The following CEP112 variants were observed in gnomAD, a reference collection of about 807,000 sequenced individuals.
CEP112 encodes centrosomal protein of 112 kDa.
Under a neutral mutation model 153.0 loss-of-function variants are expected in CEP112, and 127 were observed. That is an observed-to-expected ratio of 0.83 (90% CI 0.72 to 0.96). The LOEUF (loss-of-function observed/expected upper bound fraction) is 0.96, where lower values mean the gene tolerates loss of function less well. Ranked by LOEUF, CEP112 falls within the 40% of genes least tolerant of loss-of-function variation. The probability of loss-of-function intolerance (pLI) is 0.00; values close to 1 mark genes in which losing one functional copy is unlikely to be tolerated. For synonymous variants in CEP112, 358 were observed against 374.4 expected, an observed-to-expected ratio of 0.96 and a Z score of 0.51; for missense variants, 1,089 against 1,101.2, an observed-to-expected ratio of 0.99 and a Z score of 0.16.
chr17:65,673,290 T>C (rs890258510), intron 24 of CEP112, among the ~76,000 whole-genome samples: 3 of 152,136 alleles, frequency 2.0e-5, no homozygotes, highest in Admixed American at 1.3e-4. Flanking sequence ...AAAGTGGCAA[T>C]GGCGCAATGG....
At chr17:66,089,120 G>T (rs1288356657) in intron 8 of CEP112, among the ~76,000 whole-genome samples, 1 of 152,138 alleles carries the variant, frequency 6.6e-6, no homozygotes, top group East Asian at 1.9e-4. Context: ...ACCCTGCCTG[G>T]GGACTGTAGG....
chr17:65,954,747 A>T (rs2061948690), intron 18 of CEP112, among the ~76,000 whole-genome samples: 2 of 152,092 alleles, frequency 1.3e-5, no homozygotes, highest in African/African-American at 4.8e-5. Context: ...AGAATTGAAC[A>T]AGCAGAAGAA....
At chr17:65,884,712 TTTTTTTC>T (rs1568168375) in intron 20 of CEP112, among the ~76,000 whole-genome samples, 1 of 149,720 alleles carries the variant, frequency 6.7e-6, no homozygotes, top group Non-Finnish European at 1.5e-5. Context: ...GTTTCTTTTT[TTTTTTTC>T]TTTTTTTTTT....
chr17:65,639,740 C>T (rs1302636298), intron 25 of CEP112, among the ~76,000 whole-genome samples: 4 of 150,506 alleles, frequency 2.7e-5, no homozygotes, highest in Non-Finnish European at 5.9e-5. Context: ...TAAACTCTTT[C>T]TCATGATACC....
Position 66,183,302 on chromosome 17 carries a change from T to A in CEP112, c.-3A>T. 1 of 1,593,756 alleles carries A rather than the reference T, an allele frequency of 6.3e-7. No homozygotes were observed. Among genetic ancestry groups the A allele is most frequent in the Non-Finnish European group, 8.6e-7 (1 of 1,166,044 alleles). On this transcript the variant is annotated 5_prime_UTR_variant, in exon 2 of 27. Transcript: ENST00000535342. ...TCTTCTTCACTTCCCACTTCCATAA[T>A]CCAATCTGTAAAAGATTTTAAATCA...
chr17:65,912,469 T>G (rs1341393881), intron 19 of CEP112, among the ~76,000 whole-genome samples: 1 of 152,238 alleles, frequency 6.6e-6, no homozygotes, highest in East Asian at 1.9e-4. Flanking sequence ...CAGTGCACCT[T>G]AGCACCCTAG....
chr17:65,670,432 C>G (rs913982287), intron 24 of CEP112, among the ~76,000 whole-genome samples: 29 of 151,146 alleles, frequency 1.9e-4, no homozygotes, highest in Non-Finnish European at 3.2e-4. Context: ...TATTAATATA[C>G]ACAAATGCAA....
chr17:65,805,442 G>T (rs1024846319), intron 21 of CEP112, among the ~76,000 whole-genome samples: 1 of 152,132 alleles, frequency 6.6e-6, no homozygotes, highest in Non-Finnish European at 1.5e-5. Context: ...AGAGAAAACT[G>T]GGATAACAAT....
At position 65,738,988 on chromosome 17, in the gene CEP112, T is replaced by A. The variant is rs75879860; in HGVS notation, c.2607+4080A>T. Among the ~76,000 whole-genome samples the A allele has an allele frequency of 9.9e-3, 1,513 of 152,326 alleles. 25 individuals carry two copies. Among genetic ancestry groups the A allele is most frequent in the African/African-American group, 0.034 (1,433 of 41,572 alleles). On this transcript the variant is annotated intron_variant, in intron 23 of 26. Transcript: ENST00000535342. ...ATGACCTATCTTGATCAATCGAATGTGGTGGAAGTGACTTTGTGACTCTTC... is the reference window on the plus strand; with the variant it reads ...ATGACCTATCTTGATCAATCGAATGAGGTGGAAGTGACTTTGTGACTCTTC...
At position 65,880,096 on chromosome 17, in the gene CEP112, C is replaced by T. The variant is rs537540925; in HGVS notation, c.2163+22056G>A. ...CCTTGTGGTTTTGTGCTATTGTAAA[C>T]GGTATTTTTTAAAAAATATGTTGTA... is the stretch of plus-strand genomic sequence containing the variant. On this transcript the variant is annotated intron_variant, in intron 20 of 26. Transcript: ENST00000535342. Among the ~76,000 whole-genome samples, 141 of 152,034 alleles carry T rather than the reference C, an allele frequency of 9.3e-4. 1 individual carries two copies. Among genetic ancestry groups the T allele is most frequent in the African/African-American group, 2.6e-3 (108 of 41,488 alleles).
Position 66,084,950 on chromosome 17 carries a change from G to A in CEP112, c.768+11301C>T, listed in dbSNP as rs562220884. Among the ~76,000 whole-genome samples, 17 of 152,060 alleles carry A rather than the reference G, an allele frequency of 1.1e-4. No individual in the cohort carries two copies. The South Asian group carries it at 1.9e-3, about 17-fold the overall frequency. ...ACAAATATATACACCTACTATGTAC[G>A]CACAAAAATTCAAAATTAATTTTAA... On this transcript the variant is annotated intron_variant, in intron 8 of 26. Coordinates refer to ENST00000535342, the MANE Select transcript of CEP112 (RefSeq NM_001199165.4).
intron 11 of CEP112, among the ~76,000 whole-genome samples, chr17:66,062,603 G>C (rs1349608486): frequency 6.6e-6 from 1 of 151,802 alleles, no homozygotes. Flanking sequence ...AAAATTTCAG[G>C]AAAGAAATAC....
intron 23 of CEP112, among the ~76,000 whole-genome samples, chr17:65,721,074 T>C (rs1457993002): frequency 6.7e-6 from 1 of 149,888 alleles, no homozygotes; most frequent in Non-Finnish European, 1.5e-5. Context: ...TGCAGTGGCA[T>C]GATCTCGGCT....
At chr17:66,111,785 G>A (rs938884315) in intron 6 of CEP112, among the ~76,000 whole-genome samples, 2 of 152,064 alleles carry the variant, frequency 1.3e-5, no homozygotes, top group African/African-American at 2.4e-5. Context: ...GTGATGACAT[G>A]TGTTTACCTA....
chr17:65,758,822 C>CA (rs1207396888), intron 21 of CEP112, among the ~76,000 whole-genome samples: 1 of 152,158 alleles, frequency 6.6e-6, no homozygotes, highest in Non-Finnish European at 1.5e-5. Context: ...ACTTTCTATT[C>CA]AAAAGCTTTG....
intron 21 of CEP112, among the ~76,000 whole-genome samples, chr17:65,759,695 G>A (rs1309626475): frequency 6.6e-6 from 1 of 152,144 alleles, no homozygotes; most frequent in Non-Finnish European, 1.5e-5. Flanking sequence ...CAGGCAACAG[G>A]AAGCAGAGGA....
intron 16 of CEP112, among the ~76,000 whole-genome samples, chr17:66,025,189 G>A (rs2065151363): frequency 6.6e-6 from 1 of 152,090 alleles, no homozygotes. Flanking sequence ...AATACTGGAA[G>A]AAAACCTAGG....
rs761429013 is a variant in CEP112 at position 66,029,135 on chromosome 17, A to G, written c.1491T>C (p.Leu497=). The change falls in exon 14 of 27, where the codon CTT becomes CTC. Residue 497 remains leucine (L), a synonymous_variant. Coordinates refer to ENST00000535342, the MANE Select transcript of CEP112 (RefSeq NM_001199165.4). The part of the protein sequence containing the change: ...DINLLKQEHA[L]SASKASSMIE... ...ACATAAATAATACCTTAGAAGCTGA[A>G]AGAGCATGTTCTTGTTTTAGAAGGT... The G allele has an allele frequency of 3.1e-6, 5 of 1,600,654 alleles. No individual in the cohort carries two copies. Among genetic ancestry groups the G allele is most frequent in the Non-Finnish European group, 4.3e-6 (5 of 1,170,158 alleles).
intron 6 of CEP112, among the ~76,000 whole-genome samples, chr17:66,099,707 A>G (rs1289221251): frequency 6.6e-6 from 1 of 152,132 alleles, no homozygotes; most frequent in Non-Finnish European, 1.5e-5. Flanking sequence ...ATAATCATGA[A>G]CAGAAAAAAA....
Sources: gnomAD v4.1 joint callset for allele counts (sites outside exome capture counted in the v4.1 genomes callset) on GRCh38, gnomAD v4.1.1 for gene constraint, MANE v1.5 for transcripts, NCBI Gene and HGNC (gene_info 2026-07-23, HGNC 2026-07-21) for gene names.